Variants in ABL1 observed in about 807,000 individuals in gnomAD.
The protein encoded by ABL1 is ABL proto-oncogene 1, non-receptor tyrosine kinase.
Under a neutral mutation model 94.7 loss-of-function variants are expected in ABL1, and 11 were observed. The ratio of observed to expected loss-of-function variants is 0.12; its 90% confidence interval spans 0.07 to 0.19. The LOEUF (loss-of-function observed/expected upper bound fraction) is 0.19, where lower values mean the gene tolerates loss of function less well. ABL1 is among the 10% of genes least tolerant of loss of function. ABL1 has a pLI of 1.00. For missense variants in ABL1, 1,082 were observed against 1,489.4 expected (o/e 0.73, Z 4.50); for synonymous variants, 656 against 622.4 (o/e 1.05, Z -0.80).
chr9:130,841,644 C>T (rs1234943591), intron 1 of ABL1, among the ~76,000 whole-genome samples: 2 of 151,574 alleles, frequency 1.3e-5, no homozygotes, highest in African/African-American at 2.4e-5. Flanking sequence ...AACCCTGTCT[C>T]TACTAAAAAT....
rs60206110 is a variant in ABL1 at position 130,751,129 on chromosome 9, C to CTTTTTTTTTTTTTTTTT, written c.136+36688_136+36704dup. 8.7e-5 allele frequency among the ~76,000 whole-genome samples: 5 copies of CTTTTTTTTTTTTTTTTT among 57,486 alleles called. 1 individual carries two copies. Among genetic ancestry groups the CTTTTTTTTTTTTTTTTT allele is most frequent in the African/African-American group, 2.4e-4 (3 of 12,602 alleles). The allele number at this position is 57,486 out of a possible 152,430, so 37.7% of individuals were successfully genotyped here. On this transcript the variant is annotated intron_variant, in intron 1 of 10. Transcript: ENST00000372348. ...TTTGAAACTTGTTTTTTTTATTCAGCTTTTTTTTTTTTTTTTTTTTTTTTT... is the reference window on the plus strand; with the variant it reads ...TTTGAAACTTGTTTTTTTTATTCAGCTTTTTTTTTTTTTTTTTTTTTTTTTTTTTTTTTTTTTTTTTT...
chr9:130,822,439 C>CTTT (rs35922505), intron 1 of ABL1, among the ~76,000 whole-genome samples: 1,986 of 104,302 alleles, frequency 0.019, 125 homozygotes, highest in African/African-American at 0.071. Context: ...CCCGCCCCTG[C>CTTT]TTTTTTTTTT....
At chr9:130,837,130 G>T (rs1037965239) in intron 1 of ABL1, among the ~76,000 whole-genome samples, 1 of 152,202 alleles carries the variant, frequency 6.6e-6, no homozygotes, top group Admixed American at 6.5e-5. Context: ...CCCAGAGAAG[G>T]CTCATCTAGG....
intron 1 of ABL1, among the ~76,000 whole-genome samples, chr9:130,801,989 T>G (rs1830061488): frequency 6.6e-6 from 1 of 152,192 alleles, no homozygotes; most frequent in South Asian, 2.1e-4. Context: ...CTAAATTTTT[T>G]CTACCCCATT....
At chr9:130,727,289 A>G (rs1286384861) in intron 1 of ABL1, among the ~76,000 whole-genome samples, 1 of 146,950 alleles carries the variant, frequency 6.8e-6, no homozygotes, top group African/African-American at 2.5e-5. Flanking sequence ...CTGGTCTTGA[A>G]CTCCTGAGCT....
chr9:130,753,358 T>C (rs1282973671), intron 1 of ABL1, among the ~76,000 whole-genome samples: 1 of 152,118 alleles, frequency 6.6e-6, no homozygotes, highest in Non-Finnish European at 1.5e-5. Flanking sequence ...GCTGTGCTGT[T>C]TATCACAGTG....
chr9:130,741,186 G>A (rs763102209), intron 1 of ABL1, among the ~76,000 whole-genome samples: 17 of 152,148 alleles, frequency 1.1e-4, no homozygotes, highest in South Asian at 2.1e-4. Context: ...CCTAGACTAA[G>A]GGACTGGCTG....
intron 1 of ABL1, among the ~76,000 whole-genome samples, chr9:130,718,479 T>C (rs1831474511): frequency 6.6e-6 from 1 of 152,190 alleles, no homozygotes. Context: ...TGTTTTTAAA[T>C]TTCAGTATTC....
intron 1 of ABL1, among the ~76,000 whole-genome samples, chr9:130,725,403 G>A (rs569572048): frequency 4.3e-4 from 65 of 151,956 alleles, no homozygotes; most frequent in African/African-American, 1.4e-3. Context: ...TTTTTGAGAC[G>A]GAGTTTTGCT....
At chr9:130,793,915 C>CT (rs1414701600) in intron 1 of ABL1, among the ~76,000 whole-genome samples, 59 of 152,114 alleles carry the variant, frequency 3.9e-4, no homozygotes, top group African/African-American at 1.4e-3. Flanking sequence ...GCGATGGATC[C>CT]AGGTTGCGTG....
chr9:130,811,019 A>G (rs1038963357), intron 1 of ABL1, among the ~76,000 whole-genome samples: 1 of 152,198 alleles, frequency 6.6e-6, no homozygotes, highest in African/African-American at 2.4e-5. Context: ...AAAGCAAAGA[A>G]AGAAAACAGT....
At chr9:130,848,348 A>G (rs1830805870) in intron 1 of ABL1, among the ~76,000 whole-genome samples, 1 of 148,292 alleles carries the variant, frequency 6.7e-6, no homozygotes, top group Admixed American at 6.7e-5. Context: ...TGAAAATGAA[A>G]AAAAAAAAAA....
In ABL1 at chr9:130,727,763, C is replaced by CCA. The variant is rs1491522038; in HGVS notation, c.136+13308_136+13309insCA. Among the ~76,000 whole-genome samples the CCA allele has an allele frequency of 6.0e-4, 69 of 114,402 alleles. 9 individuals carry two copies. Among genetic ancestry groups the CCA allele is most frequent in the African/African-American group, 2.3e-3 (68 of 29,966 alleles). The allele number at this position is 114,402 out of a possible 152,430, so 75.1% of individuals were successfully genotyped here. A position where few individuals can be genotyped will look rare whatever the true frequency, so the allele number is the denominator to read the frequency against. ...AGAGTGAGACACCGCCCCCCCCCCCCAAAAAAAAGCATTTATTAGGAAACA... is the reference window on the plus strand; with the variant it reads ...AGAGTGAGACACCGCCCCCCCCCCCCCAAAAAAAAAGCATTTATTAGGAAACA... On this transcript the variant is annotated intron_variant, in intron 1 of 10. Transcript: ENST00000372348.
At chr9:130,770,177 CTCTCTCTCTT>C (rs1832235724) in intron 1 of ABL1, among the ~76,000 whole-genome samples, 2 of 118,358 alleles carry the variant, frequency 1.7e-5, no homozygotes, top group African/African-American at 3.5e-5. Context: ...CTCTGTCTCT[CTCTCTCTCTT>C]TTTTTTTTAA....
At chr9:130,785,129 G>A (rs1430924576) in intron 1 of ABL1, among the ~76,000 whole-genome samples, 1 of 152,190 alleles carries the variant, frequency 6.6e-6, no homozygotes, top group Non-Finnish European at 1.5e-5. Flanking sequence ...GCCTGCTGGC[G>A]AGGTGTTAGG....
At chr9:130,873,143 A>C (rs1831281896) in intron 6 of ABL1, 106 bp downstream of exon 6, 3 of 1,193,162 alleles carry the variant, frequency 2.5e-6, no homozygotes. Context: ...GCAGCTTCTA[A>C]CCTCAGTGCT....
intron 1 of ABL1, among the ~76,000 whole-genome samples, chr9:130,768,902 GATGTGTTCA>G (rs1209254454): frequency 3.9e-5 from 6 of 152,304 alleles, no homozygotes; most frequent in East Asian, 1.9e-4. Flanking sequence ...TATGTGGATT[GATGTGTTCA>G]ATGTGTTCAA....
intron 1 of ABL1, among the ~76,000 whole-genome samples, chr9:130,793,660 C>T (rs1316204210): frequency 6.6e-6 from 1 of 152,130 alleles, no homozygotes; most frequent in Non-Finnish European, 1.5e-5. Context: ...CAGTTTCAAA[C>T]ACAAGCCACC....
chr9:130,763,809 C>T (rs1239150511), intron 1 of ABL1, among the ~76,000 whole-genome samples: 1 of 152,172 alleles, frequency 6.6e-6, no homozygotes, highest in Non-Finnish European at 1.5e-5. Context: ...GTTGGTTCCC[C>T]AGTCTACCCT....
Sources: gnomAD v4.1 joint callset for allele counts (sites outside exome capture counted in the v4.1 genomes callset) on GRCh38, gnomAD v4.1.1 for gene constraint, MANE v1.5 for transcripts, NCBI Gene and HGNC (gene_info 2026-07-23, HGNC 2026-07-21) for gene names.